The following TLN2 variants were observed in gnomAD, a reference collection of about 807,000 sequenced individuals.
TLN2 encodes the protein talin 2, also known as talin-2.
TLN2 carries 118 observed loss-of-function variants against 294.7 expected under a neutral mutation model. That is an observed-to-expected ratio of 0.40 (90% CI 0.34 to 0.47). TLN2 has a LOEUF of 0.47. TLN2 is among the 20% of genes least tolerant of loss of function. The pLI, the probability that TLN2 is intolerant of heterozygous loss-of-function variation, is 0.84. For missense variants in TLN2, 3,083 were observed against 3,282.2 expected (o/e 0.94, Z 1.48); for synonymous variants, 1,431 against 1,304.5 (o/e 1.10, Z -2.09).
At position 62,439,114 on chromosome 15, in the gene TLN2, C is replaced by T. The variant is rs146561598; in HGVS notation, c.-238+48429C>T. 2.2e-4 allele frequency among the ~76,000 whole-genome samples: 34 copies of T among 152,220 alleles called. No individual in the cohort carries two copies. The East Asian group carries it at 6.0e-3, about 27-fold the overall frequency. ...TAATTAGGATCAAGGATAATAAATG[C>T]CTGACCCCTGTGCCATTACTTTTTC... On this transcript the variant is annotated intron_variant, in intron 1 of 58. Coordinates refer to ENST00000636159, the MANE Select transcript of TLN2 (RefSeq NM_015059.3).
chr15:62,431,600 A>G (rs369957381), intron 1 of TLN2, among the ~76,000 whole-genome samples: 2 of 152,358 alleles, frequency 1.3e-5, no homozygotes, highest in East Asian at 3.9e-4. Context: ...GAAACCAAAC[A>G]TTGACAAGTG....
chr15:62,522,941 TACACACACACACACACAC>T (rs71129007), intron 1 of TLN2, among the ~76,000 whole-genome samples: 22 of 133,084 alleles, frequency 1.7e-4, no homozygotes, highest in Non-Finnish European at 3.2e-4. Context: ...GAATGTGGCT[TACACACACACACACACAC>T]ACACACACAC....
chr15:62,692,884 C>T lies in TLN2; in HGVS notation c.1158C>T (p.Thr386=), dbSNP rs895989142. ...AAAGCTACTATTCAGTACAAACCAC[C>T]GAGGGAGAGCAGATATCCCAGCTGA... ...YQESYYSVQT[T]EGEQISQLIA... The change falls in exon 13 of 59, where the codon ACC becomes ACT. Residue 386 remains threonine, a synonymous_variant. Coordinates refer to ENST00000636159, the MANE Select transcript of TLN2 (RefSeq NM_015059.3). 15 of 1,613,286 alleles carry T rather than the reference C, an allele frequency of 9.3e-6. No individual in the cohort carries two copies. Among genetic ancestry groups the T allele is most frequent in the African/African-American group, 6.7e-5 (5 of 74,822 alleles).
chr15:62,409,444 C>T (rs79525592), intron 1 of TLN2, among the ~76,000 whole-genome samples: 1,716 of 152,174 alleles, frequency 0.011, 41 homozygotes, highest in African/African-American at 0.039. Flanking sequence ...GTTGCAGGGT[C>T]TCATTCTGCA....
At chr15:62,438,987 T>C (rs1180557954) in intron 1 of TLN2, among the ~76,000 whole-genome samples, 2 of 152,248 alleles carry the variant, frequency 1.3e-5, no homozygotes, top group East Asian at 3.8e-4. Context: ...TTGCTATCTG[T>C]AATAGGGCTT....
intron 9 of TLN2, 73 bp downstream of exon 9, chr15:62,657,971 C>A: frequency 2.8e-6 from 4 of 1,435,424 alleles, no homozygotes; most frequent in Non-Finnish European, 3.8e-6. Flanking sequence ...TATTTTTGAG[C>A]TAGGTGTCTA....
At position 62,809,480 on chromosome 15, in the gene TLN2, G is replaced by A. The variant is rs188044233; in HGVS notation, c.6664-445G>A. Among the ~76,000 whole-genome samples, 7 of 152,298 alleles carry A rather than the reference G, an allele frequency of 4.6e-5. No individual in the cohort carries two copies. The East Asian group carries it at 1.4e-3, about 29-fold the overall frequency. ...AGCATGGTCAGGCCCAGGGGTGAGAGCCTGGGCTTAATTAGCCTGTGAGCA... is the reference window on the plus strand; with the variant it reads ...AGCATGGTCAGGCCCAGGGGTGAGAACCTGGGCTTAATTAGCCTGTGAGCA... On this transcript the variant is annotated intron_variant, in intron 51 of 58. Transcript: ENST00000636159.
intron 1 of TLN2, among the ~76,000 whole-genome samples, chr15:62,583,138 G>C (rs1167059473): frequency 6.6e-6 from 1 of 151,986 alleles, no homozygotes; most frequent in Non-Finnish European, 1.5e-5. Flanking sequence ...AACATCTCAG[G>C]GTTATTTTAA....
In TLN2 at chr15:62,495,247, G is replaced by C. The variant is rs115470605; in HGVS notation, c.-237-94440G>C. On this transcript the variant is annotated intron_variant, in intron 1 of 58. Coordinates refer to ENST00000636159, the MANE Select transcript of TLN2 (RefSeq NM_015059.3). ...GACCCTCCTAGGACCTAAGAATAGA[G>C]AGATGAACGCGATACATGTGGTAGG... is the stretch of plus-strand genomic sequence containing the variant. 7.0e-3 allele frequency among the ~76,000 whole-genome samples: 1,063 copies of C among 152,286 alleles called. 15 individuals carry two copies. The highest frequency in any genetic ancestry group is 0.024 in the African/African-American group (1,007 of 41,550).
chr15:62,403,698 C>G (rs1344692380), intron 1 of TLN2, among the ~76,000 whole-genome samples: 1 of 152,174 alleles, frequency 6.6e-6, no homozygotes, highest in African/African-American at 2.4e-5. Context: ...TTCTCCTACC[C>G]CCGGCTTCTC....
At chr15:62,497,492 A>G (rs190548334) in intron 1 of TLN2, among the ~76,000 whole-genome samples, 4 of 152,132 alleles carry the variant, frequency 2.6e-5, no homozygotes, top group Non-Finnish European at 5.9e-5. Context: ...TTGCCCTCCA[A>G]TGGCTGCAGG....
At position 62,610,019 on chromosome 15, in the gene TLN2, A is replaced by G. The variant is rs143328369; in HGVS notation, c.-161-8332A>G. Reference sequence around the variant, plus strand: ...TGAACAATTCTTTACTTTCTGGTATAATAAGACCTACCAGACTCATCTTGT... The same window carrying G: ...TGAACAATTCTTTACTTTCTGGTATGATAAGACCTACCAGACTCATCTTGT... On this transcript the variant is annotated intron_variant, in intron 2 of 58. Transcript: ENST00000636159. 2.6e-5 allele frequency among the ~76,000 whole-genome samples: 4 copies of G among 152,318 alleles called. No individual in the cohort carries two copies. In the East Asian group the frequency reaches 7.7e-4, roughly 29 times the overall value.
intron 1 of TLN2, among the ~76,000 whole-genome samples, chr15:62,586,247 G>A (rs1478654301): frequency 6.6e-6 from 1 of 152,232 alleles, no homozygotes; most frequent in Non-Finnish European, 1.5e-5. Context: ...GGGAAGGGGT[G>A]TGTTGTACTT....
Position 62,833,507 on chromosome 15 carries a change from G to T in TLN2, c.7006G>T (p.Ala2336Ser). The T allele has an allele frequency of 1.2e-6, 2 of 1,613,626 alleles. No individual in the cohort carries two copies. Among genetic ancestry groups the T allele is most frequent in the Non-Finnish European group, 1.7e-6 (2 of 1,179,754 alleles). ...QLKPRAKPKQ[A>S]DETLDFEEQI... is the part of the protein sequence containing the mutation. ...TGCTGTTTTCTTTTGGTTATAGCAAGCGGATGAGACCCTGGACTTTGAGGA... is the reference window on the plus strand; with the variant it reads ...TGCTGTTTTCTTTTGGTTATAGCAATCGGATGAGACCCTGGACTTTGAGGA... The change falls in exon 55 of 59, where the codon GCG becomes TCG. Residue 2336 changes from alanine to serine, a missense_variant. Transcript: ENST00000636159.
At chr15:62,575,588 C>T (rs1428547367) in intron 1 of TLN2, among the ~76,000 whole-genome samples, 1 of 145,098 alleles carries the variant, frequency 6.9e-6, no homozygotes, top group East Asian at 2.0e-4. Flanking sequence ...CATCAATTTC[C>T]ATGGAATCAC....
At chr15:62,640,941 A>G (rs780149672) in intron 3 of TLN2, among the ~76,000 whole-genome samples, 8 of 151,950 alleles carry the variant, frequency 5.3e-5, no homozygotes, top group Non-Finnish European at 1.2e-4. Context: ...GGCTGGGATT[A>G]CAGGCGCCCG....
chr15:62,466,477 C>T (rs77547822), intron 1 of TLN2, among the ~76,000 whole-genome samples: 4,024 of 152,302 alleles, frequency 0.026, 50 homozygotes, highest in Non-Finnish European at 0.031. Flanking sequence ...ATCCCCACCC[C>T]CTTTCAGGTG....
intron 3 of TLN2, chr15:62,645,207 A>G (rs1028154735): frequency 1.3e-5 from 2 of 153,000 alleles, no homozygotes; most frequent in African/African-American, 4.8e-5. Context: ...AGAGGGGTGG[A>G]GGAAGCTTTT....
intron 1 of TLN2, among the ~76,000 whole-genome samples, chr15:62,445,879 A>C (rs1164480486): frequency 6.6e-6 from 1 of 152,082 alleles, no homozygotes; most frequent in East Asian, 1.9e-4. Context: ...GCCTAGGCTG[A>C]TCTTGAACTC....
Sources: gnomAD v4.1 joint callset for allele counts (sites outside exome capture counted in the v4.1 genomes callset) on GRCh38, gnomAD v4.1.1 for gene constraint, MANE v1.5 for transcripts, NCBI Gene and HGNC (gene_info 2026-07-23, HGNC 2026-07-21) for gene names.